Variants in SYT16 observed in about 807,000 individuals in gnomAD.
The protein encoded by SYT16 is synaptotagmin 16, also known as synaptotagmin-16.
A neutral mutation model predicts 61.4 loss-of-function variants in SYT16; 42 were observed. That is an observed-to-expected ratio of 0.68 (90% confidence interval 0.53 to 0.89). SYT16 has a LOEUF of 0.89. SYT16 is among the 40% of genes least tolerant of loss of function. The pLI is 0.00. For synonymous variants in SYT16, 314 were observed against 302.3 expected (o/e 1.04, Z -0.40); for missense variants, 804 against 807.3 (o/e 1.00, Z 0.05).
chr14:61,824,636 G>A (rs1243736485), intron 1 of SYT16, among the ~76,000 whole-genome samples: 1 of 152,180 alleles, frequency 6.6e-6, no homozygotes, highest in East Asian at 1.9e-4. Flanking sequence ...ACAGGCGTGA[G>A]CCACCGTGCC....
At chr14:61,994,957 G>A (rs557198498) in intron 2 of SYT16, among the ~76,000 whole-genome samples, 1 of 152,262 alleles carries the variant, frequency 6.6e-6, no homozygotes, top group East Asian at 1.9e-4. Context: ...ACAAGATATT[G>A]GGTAATTAAG....
chr14:61,888,466 C>T (rs2047999481), intron 1 of SYT16, among the ~76,000 whole-genome samples: 2 of 152,014 alleles, frequency 1.3e-5, no homozygotes, highest in South Asian at 2.1e-4. Flanking sequence ...TAACTAAGTC[C>T]AAGAAAAGGG....
intron 1 of SYT16, chr14:61,832,503 C>CCTG: frequency 3.3e-6 from 1 of 306,888 alleles, no homozygotes; most frequent in Non-Finnish European, 6.6e-6. Flanking sequence ...GAGGCGTGAT[C>CCTG]TCAGCTCACT....
chr14:62,087,532 A>G (rs138559253), intron 7 of SYT16, among the ~76,000 whole-genome samples: 1 of 152,308 alleles, frequency 6.6e-6, no homozygotes, highest in Non-Finnish European at 1.5e-5. Flanking sequence ...TGTGAAGGAA[A>G]ATAGGTTGAG....
At chr14:61,906,703 ATCCATCCT>A (rs199798482) in intron 1 of SYT16, among the ~76,000 whole-genome samples, 35,258 of 139,688 alleles carry the variant, frequency 0.25, 5,170 homozygotes, top group East Asian at 0.43. Flanking sequence ...TGTACCATCC[ATCCATCCT>A]TCCATCCATC....
At chr14:62,078,138 G>GCTCTCTCTCT (rs749939385) in intron 5 of SYT16, among the ~76,000 whole-genome samples, 2 of 133,710 alleles carry the variant, frequency 1.5e-5, no homozygotes, top group Non-Finnish European at 3.2e-5. Flanking sequence ...GTGCTCTCTC[G>GCTCTCTCTCT]CTCTCTCTCT....
chr14:61,859,319 C>A (rs867015482), intron 1 of SYT16, among the ~76,000 whole-genome samples: 3 of 151,980 alleles, frequency 2.0e-5, no homozygotes, highest in South Asian at 2.1e-4. Flanking sequence ...CAGTAAAGAG[C>A]GACAAGATGG....
chr14:61,964,812 T>A (rs1176837676), intron 1 of SYT16, among the ~76,000 whole-genome samples: 1 of 152,066 alleles, frequency 6.6e-6, no homozygotes, highest in Non-Finnish European at 1.5e-5. Flanking sequence ...AGCAACTACC[T>A]GTCCTGATCA....
chr14:61,849,408 G>A (rs180795683), intron 1 of SYT16, among the ~76,000 whole-genome samples: 72 of 152,240 alleles, frequency 4.7e-4, no homozygotes, highest in African/African-American at 1.6e-3. Context: ...AGTTGCAGTC[G>A]TTGTGGCATA....
At chr14:62,027,994 A>G (rs2054166148) in intron 3 of SYT16, among the ~76,000 whole-genome samples, 3 of 152,156 alleles carry the variant, frequency 2.0e-5, no homozygotes, top group East Asian at 1.9e-4. Flanking sequence ...TGAGTTTTAT[A>G]TGCCAGAAAG....
intron 2 of SYT16, among the ~76,000 whole-genome samples, chr14:61,989,318 C>T (rs1241634391): frequency 6.6e-6 from 1 of 152,094 alleles, no homozygotes; most frequent in South Asian, 2.1e-4. Context: ...AATCCCAGCA[C>T]TTGGGAGGTT....
chr14:61,980,347 A>G (rs956131725), intron 2 of SYT16, among the ~76,000 whole-genome samples: 4 of 152,200 alleles, frequency 2.6e-5, no homozygotes, highest in African/African-American at 9.6e-5. Context: ...ACATTTGAAA[A>G]TTGAGGAACT....
chr14:61,837,224 C>T (rs898568622), intron 1 of SYT16, among the ~76,000 whole-genome samples: 1 of 149,608 alleles, frequency 6.7e-6, no homozygotes, highest in African/African-American at 2.5e-5. Context: ...CACTGAGTGG[C>T]AGAGGCTGAT....
chr14:61,986,195 CT>C (rs1186773992), intron 2 of SYT16, among the ~76,000 whole-genome samples: 1 of 151,840 alleles, frequency 6.6e-6, no homozygotes, highest in African/African-American at 2.4e-5. Flanking sequence ...AAACAGACCC[CT>C]GATTATTATT....
chr14:61,947,884 A>G lies in SYT16; in HGVS notation c.-324-22248A>G, dbSNP rs183987137. On this transcript the variant is annotated intron_variant, in intron 1 of 7. Coordinates refer to ENST00000683842, the MANE Select transcript of SYT16 (RefSeq NM_001367656.1). ...AGGCGTTGACTTTCCAGAGGGTCCTAACAACATGAGTAGGACTTTACCTGT... is the reference window on the plus strand; with the variant it reads ...AGGCGTTGACTTTCCAGAGGGTCCTGACAACATGAGTAGGACTTTACCTGT... 4.6e-5 allele frequency among the ~76,000 whole-genome samples: 7 copies of G among 152,326 alleles called. No individual in the cohort carries two copies. In the East Asian group the frequency reaches 1.2e-3, roughly 25 times the overall value.
chr14:61,858,680 C>T (rs1001859516), intron 1 of SYT16, among the ~76,000 whole-genome samples: 10 of 152,082 alleles, frequency 6.6e-5, no homozygotes, highest in African/African-American at 1.9e-4. Context: ...TGATAGGAAA[C>T]GTGTCCTTCC....
intron 2 of SYT16, among the ~76,000 whole-genome samples, chr14:61,983,014 G>A (rs2052151526): frequency 1.3e-5 from 2 of 152,150 alleles, no homozygotes; most frequent in Admixed American, 6.6e-5. Flanking sequence ...AGAGATATAT[G>A]CCTTAAATTA....
At chr14:62,022,325 C>G (rs1423223695) in intron 3 of SYT16, among the ~76,000 whole-genome samples, 2 of 151,770 alleles carry the variant, frequency 1.3e-5, no homozygotes, top group East Asian at 3.8e-4. Flanking sequence ...TTTTTTGTTT[C>G]AGCACTTTAA....
At chr14:61,852,463 A>G (rs1299439844) in intron 1 of SYT16, among the ~76,000 whole-genome samples, 1 of 152,210 alleles carries the variant, frequency 6.6e-6, no homozygotes, top group African/African-American at 2.4e-5. Context: ...AAGAACATCA[A>G]TGGTAGTTTA....
Sources: gnomAD v4.1 joint callset for allele counts (sites outside exome capture counted in the v4.1 genomes callset) on GRCh38, gnomAD v4.1.1 for gene constraint, MANE v1.5 for transcripts, NCBI Gene and HGNC (gene_info 2026-07-23, HGNC 2026-07-21) for gene names.